MATR3: variants seen among roughly 807,000 people sequenced by gnomAD.
The protein encoded by MATR3 is matrin-3.
Under a neutral mutation model 85.5 loss-of-function variants are expected in MATR3, and 4 were observed. The observed-to-expected ratio is 0.05, with a 90% CI of 0.02 to 0.11. MATR3 has a LOEUF of 0.11. Among genes scored for constraint, MATR3 ranks in the 10% least tolerant of loss-of-function variants. MATR3 has a pLI of 1.00. For synonymous variants in MATR3, 336 were observed against 343.1 expected (o/e 0.98, Z 0.23); for missense variants, 685 against 1,016.1 (o/e 0.67, Z 4.43).
upstream of MATR3, chr5:139,293,683 CT>C (rs1753966097): frequency 3.3e-6 from 1 of 298,576 alleles, no homozygotes; most frequent in African/African-American, 2.2e-5. Context: ...TGGGTTTGTT[CT>C]TGGGCTGCAG....
In MATR3 at chr5:139,330,362, C is replaced by T. The variant is rs1192944225; in HGVS notation, c.*967C>T. ...TATATACTGCTTATATCTGTGGATT[C>T]AAGTTACTGAAGTGAATACCAATAA... On this transcript the variant is annotated 3_prime_UTR_variant, in exon 15 of 15. Transcript: ENST00000394805. The T allele has an allele frequency of 2.2e-6, 1 of 454,360 alleles. No homozygotes were observed. Among genetic ancestry groups the T allele is most frequent in the African/African-American group, 2.0e-5 (1 of 49,992 alleles). The allele number at this position is 454,360 out of a possible 1,614,324, so 28.1% of individuals were successfully genotyped here.
At chr5:139,314,454 T>C (rs1337351789) in intron 2 of MATR3, 5 of 498,216 alleles carry the variant, frequency 1.0e-5, no homozygotes, top group Non-Finnish European at 1.8e-5. Flanking sequence ...GACAAGTTAA[T>C]CCAGTTTTTC....
chr5:139,306,417 G>A (rs929944842), intron 1 of MATR3, among the ~76,000 whole-genome samples: 7 of 152,152 alleles, frequency 4.6e-5, no homozygotes, highest in African/African-American at 1.7e-4. Flanking sequence ...CATTAAATGA[G>A]TACTGATGGA....
chr5:139,294,858 T>C (rs1219433377), intron 1 of MATR3: 1 of 152,290 alleles, frequency 6.6e-6, no homozygotes, highest in Non-Finnish European at 1.5e-5. Flanking sequence ...TATCCTGCTC[T>C]GTGGCCCTGT....
intron 3 of MATR3, among the ~76,000 whole-genome samples, chr5:139,283,778 C>T (rs959482602): frequency 1.3e-5 from 2 of 152,042 alleles, no homozygotes; most frequent in Non-Finnish European, 2.9e-5. Context: ...ATCTCTCTCA[C>T]CGTCTTATCT....
At chr5:139,329,222 A>G (rs1442111200) in intron 14 of MATR3, 123 bp from the exon 15 acceptor site, 1 of 726,272 alleles carries the variant, frequency 1.4e-6, no homozygotes, top group Non-Finnish European at 2.4e-6. Flanking sequence ...AATTGTTGAA[A>G]ATATTGACAA....
rs889071300 is a variant in MATR3, at chr5:139,330,813, C to T, written c.*1418C>T. ...TGTTGTAAACAATTTTTTTTTCTTC[C>T]CTGACACAGGGTCTCACTCTGTCAC... On this transcript the variant is annotated 3_prime_UTR_variant, in exon 15 of 15. Coordinates refer to ENST00000394805, the MANE Select transcript of MATR3 (RefSeq NM_018834.6). The T allele has an allele frequency of 2.2e-5, 10 of 453,716 alleles. No homozygotes were observed. The highest frequency in any genetic ancestry group is 2.0e-4 in the African/African-American group (10 of 50,032). 28.1% of individuals were successfully genotyped at this position (453,716 alleles called of 1,614,324 possible). A position where few individuals can be genotyped will look rare whatever the true frequency, so the allele number is the denominator to read the frequency against.
intron 2 of MATR3, among the ~76,000 whole-genome samples, chr5:139,277,155 G>A (rs1281435322): frequency 2.7e-5 from 4 of 146,120 alleles, no homozygotes; most frequent in Non-Finnish European, 6.2e-5. Context: ...TTTTTAATTT[G>A]TAGAGACAAA....
At chr5:139,275,182 A>G (rs139729966) in intron 1 of MATR3, among the ~76,000 whole-genome samples, 1,531 of 70,396 alleles carry the variant, frequency 0.022, 87 homozygotes, top group East Asian at 0.22. Context: ...TATTTTTAGT[A>G]GAGACGGGGT....
At chr5:139,326,898 G>A (rs185901967) in intron 14 of MATR3, among the ~76,000 whole-genome samples, 1 of 152,300 alleles carries the variant, frequency 6.6e-6, no homozygotes, top group Non-Finnish European at 1.5e-5. Flanking sequence ...TAATTTGAAA[G>A]ATGCTGGGAG....
At chr5:139,292,926 G>A (rs1263583492), upstream of MATR3, among the ~76,000 whole-genome samples, 1 of 152,110 alleles carries the variant, frequency 6.6e-6, no homozygotes, top group Non-Finnish European at 1.5e-5. Context: ...CTGGGTGACA[G>A]AGTGAGACTC....
chr5:139,316,981 G>A (rs760926008), intron 5 of MATR3, 72 bp from the exon 6 acceptor site: 7 of 1,240,502 alleles, frequency 5.6e-6, no homozygotes, highest in Admixed American at 1.7e-5. Flanking sequence ...GAAGATGCAC[G>A]TTTTTCAGTA....
intron 9 of MATR3, 139 bp from the exon 10 acceptor site, chr5:139,321,759 G>A (rs1755585092): frequency 1.2e-6 from 1 of 862,210 alleles, no homozygotes; most frequent in East Asian, 2.7e-5. Flanking sequence ...TTCCAGCCTG[G>A]GTGACACAGT....
chr5:139,327,898 G>A (rs1287346396), intron 14 of MATR3, among the ~76,000 whole-genome samples: 2 of 150,508 alleles, frequency 1.3e-5, no homozygotes, highest in African/African-American at 4.9e-5. Flanking sequence ...TTTTGCTCTT[G>A]TTCCCCAAGC....
At chr5:139,277,512 G>A (rs1561916905) in intron 2 of MATR3, among the ~76,000 whole-genome samples, 1 of 152,174 alleles carries the variant, frequency 6.6e-6, no homozygotes, top group Non-Finnish European at 1.5e-5. Context: ...ACTGTGAATA[G>A]CCTTTTACAT....
intron 7 of MATR3, 146 bp from the exon 8 acceptor site, chr5:139,318,762 T>A (rs1451669770): frequency 2.5e-6 from 2 of 804,790 alleles, no homozygotes; most frequent in Non-Finnish European, 4.0e-6. Flanking sequence ...TTTTGTATTT[T>A]GATTCTTGAA....
In MATR3 at chr5:139,319,022, A is replaced by G. The variant is rs775900944; in HGVS notation, c.1423A>G (p.Lys475Glu). 3.1e-6 allele frequency: 5 copies of G among 1,613,124 alleles called. No homozygotes were observed. The highest frequency in any genetic ancestry group is 4.2e-6 in the Non-Finnish European group (5 of 1,179,044). ...GAGAGTTCATTTATCCCAGAAGTATAAAAGAATAAAGGTAATGTTTATTTT... is the reference window on the plus strand; with the variant it reads ...GAGAGTTCATTTATCCCAGAAGTATGAAAGAATAAAGGTAATGTTTATTTT... ...PVRVHLSQKYKRIKKPEGKPD... is the reference protein window; with the variant it reads ...PVRVHLSQKYERIKKPEGKPD... The change falls in exon 8 of 15, where the codon AAA becomes GAA. Residue 475 changes from lysine (K) to glutamate (E), a missense_variant. Lys to Glu is a moderately conservative substitution (Grantham distance 56). This residue lies in a region of MATR3 where 32 missense variants were observed against 88.0 expected (regional missense o/e 0.36). Coordinates refer to ENST00000394805, the MANE Select transcript of MATR3 (RefSeq NM_018834.6).
chr5:139,294,119 C>A, intron 1 of MATR3: 1 of 1,175,888 alleles, frequency 8.5e-7, no homozygotes, highest in Non-Finnish European at 1.1e-6. Context: ...ACCGGCCGAG[C>A]TTCCTGCGCG....
At chr5:139,276,139 A>G (rs1320861464) in exon 2 of MATR3, 1 of 456,608 alleles carries the variant, frequency 2.2e-6, no homozygotes, top group Non-Finnish European at 4.4e-6. Context: ...GCTGTGGCAG[A>G]TGCAACTGCA....
Sources: gnomAD v4.1 joint callset for allele counts (sites outside exome capture counted in the v4.1 genomes callset) on GRCh38, gnomAD v4.1.1 for gene constraint, gnomAD v4.1.1 regional missense constraint, MANE v1.5 for transcripts, NCBI Gene and HGNC (gene_info 2026-07-23, HGNC 2026-07-21) for gene names.